ACAP2: variants seen among roughly 807,000 people sequenced by gnomAD.
The protein encoded by ACAP2 is ArfGAP with coiled-coil, ankyrin repeat and PH domains 2, also known as arf-GAP with coiled-coil, ANK repeat and PH domain-containing protein 2.
Under a neutral mutation model 115.8 loss-of-function variants are expected in ACAP2, and 39 were observed. The ratio of observed to expected loss-of-function variants is 0.34; its 90% confidence interval spans 0.26 to 0.44. The LOEUF (loss-of-function observed/expected upper bound fraction) is 0.44, where lower values mean the gene tolerates loss of function less well. Ranked by LOEUF, ACAP2 falls within the 20% of genes least tolerant of loss-of-function variation. The probability of loss-of-function intolerance (pLI) is 1.00; values close to 1 mark genes in which losing one functional copy is unlikely to be tolerated. For missense variants in ACAP2, 662 were observed against 927.6 expected, an observed-to-expected ratio of 0.71 and a Z score of 3.72; for synonymous variants, 289 against 315.8, an observed-to-expected ratio of 0.92 and a Z score of 0.90.
At chr3:195,424,794 G>A (rs1047567258) in intron 1 of ACAP2, among the ~76,000 whole-genome samples, 1 of 151,284 alleles carries the variant, frequency 6.6e-6, no homozygotes, top group Non-Finnish European at 1.5e-5. Context: ...ACACACACCT[G>A]CAGTCCCAGC....
At position 195,442,783 on chromosome 3, in the gene ACAP2, C is replaced by T. The variant is rs1479223012; in HGVS notation, c.53+12G>A. Reference sequence around the variant, plus strand: ...CAGCTCCGCGGTGACGCCGGGCGGCCGTGCCGGTTACCTGAAGCGGGGCGA... The same window carrying T: ...CAGCTCCGCGGTGACGCCGGGCGGCTGTGCCGGTTACCTGAAGCGGGGCGA... On this transcript the variant is annotated intron_variant, in intron 1 of 22. Coordinates refer to ENST00000326793, the MANE Select transcript of ACAP2 (RefSeq NM_012287.6). The T allele has an allele frequency of 1.3e-6, 2 of 1,528,340 alleles. No homozygotes were observed. The allele number at this position is 1,528,340 out of a possible 1,614,324, so 94.7% of individuals were successfully genotyped here.
chr3:195,386,679 G>C (rs537620557), intron 2 of ACAP2, among the ~76,000 whole-genome samples: 3 of 152,092 alleles, frequency 2.0e-5, no homozygotes, highest in Non-Finnish European at 4.4e-5. Flanking sequence ...TAGGACAAAT[G>C]CATGTGGGAC....
At chr3:195,418,807 T>C (rs1713943177) in intron 1 of ACAP2, among the ~76,000 whole-genome samples, 1 of 152,180 alleles carries the variant, frequency 6.6e-6, no homozygotes, top group Non-Finnish European at 1.5e-5. Context: ...AGCTTCAAGA[T>C]TGTTTATAAT....
At chr3:195,363,064 C>G (rs570582548) in intron 4 of ACAP2, among the ~76,000 whole-genome samples, 3 of 152,040 alleles carry the variant, frequency 2.0e-5, no homozygotes, top group Non-Finnish European at 4.4e-5. Context: ...TAAAGACCAC[C>G]AAAAAAACTA....
intron 4 of ACAP2, among the ~76,000 whole-genome samples, chr3:195,378,652 G>C (rs183976552): frequency 4.4e-4 from 67 of 152,248 alleles, no homozygotes; most frequent in Non-Finnish European, 7.8e-4. Context: ...CTTTAGGCCA[G>C]GAGTTTGAGA....
At chr3:195,283,600 A>G (rs1008918377) in intron 22 of ACAP2, among the ~76,000 whole-genome samples, 3 of 152,238 alleles carry the variant, frequency 2.0e-5, no homozygotes, top group African/African-American at 7.2e-5. Context: ...AAAAACAAAC[A>G]GCCGCTGCCT....
intron 4 of ACAP2, among the ~76,000 whole-genome samples, chr3:195,355,721 C>T (rs116827732): frequency 0.014 from 2,181 of 152,282 alleles, 48 homozygotes; most frequent in African/African-American, 0.046. Flanking sequence ...AAAGCTAAGA[C>T]GCACTTCAAA....
At chr3:195,370,821 G>A (rs1490853852) in intron 4 of ACAP2, among the ~76,000 whole-genome samples, 1 of 151,988 alleles carries the variant, frequency 6.6e-6, no homozygotes, top group African/African-American at 2.4e-5. Flanking sequence ...GTATGGTGGT[G>A]GGCACCTGTA....
chr3:195,383,362 C>CA (rs1181548032), intron 2 of ACAP2, among the ~76,000 whole-genome samples: 3 of 151,456 alleles, frequency 2.0e-5, no homozygotes, highest in African/African-American at 7.3e-5. Flanking sequence ...AATACACAGT[C>CA]AAAAAAACAG....
chr3:195,365,787 C>A (rs1732672423), intron 4 of ACAP2, among the ~76,000 whole-genome samples: 1 of 151,814 alleles, frequency 6.6e-6, no homozygotes, highest in South Asian at 2.1e-4. Context: ...AGGAATTGCT[C>A]GCAATATGTC....
chr3:195,418,917 G>A (rs1485265392), intron 1 of ACAP2, among the ~76,000 whole-genome samples: 1 of 152,126 alleles, frequency 6.6e-6, no homozygotes, highest in East Asian at 1.9e-4. Flanking sequence ...TATTATATAT[G>A]GGGCTATTCA....
chr3:195,314,610 CA>C (rs1728972054), intron 10 of ACAP2, among the ~76,000 whole-genome samples: 1 of 152,092 alleles, frequency 6.6e-6, no homozygotes, highest in African/African-American at 2.4e-5. Context: ...AGACTCTACG[CA>C]ATAATTCCAT....
intron 4 of ACAP2, among the ~76,000 whole-genome samples, chr3:195,357,139 G>C (rs1485315769): frequency 1.3e-5 from 2 of 151,880 alleles, no homozygotes; most frequent in Admixed American, 6.6e-5. Context: ...TTCATGAAAA[G>C]CTGAGCCCTT....
intron 11 of ACAP2, among the ~76,000 whole-genome samples, chr3:195,307,853 T>C (rs1332572218): frequency 2.6e-5 from 4 of 152,166 alleles, no homozygotes; most frequent in Admixed American, 2.6e-4. Context: ...AATTAGCTGA[T>C]TAAAGGGCTT....
chr3:195,441,462 A>C (rs1286065516), intron 1 of ACAP2, among the ~76,000 whole-genome samples: 4 of 152,254 alleles, frequency 2.6e-5, no homozygotes, highest in Admixed American at 2.6e-4. Flanking sequence ...CAATAAAATT[A>C]ATACCCAAAA....
At chr3:195,323,809 CAA>C (rs112375217) in intron 9 of ACAP2, among the ~76,000 whole-genome samples, 1 of 144,396 alleles carries the variant, frequency 6.9e-6, no homozygotes, top group African/African-American at 2.6e-5. Flanking sequence ...TTAATGGATA[CAA>C]AAAAAAAACA....
At chr3:195,366,655 G>C (rs1732743213) in intron 4 of ACAP2, among the ~76,000 whole-genome samples, 3 of 152,146 alleles carry the variant, frequency 2.0e-5, no homozygotes, top group Non-Finnish European at 4.4e-5. Context: ...AGAATGACAT[G>C]GGGAGCCTTA....
intron 10 of ACAP2, among the ~76,000 whole-genome samples, chr3:195,312,154 T>G (rs1218977865): frequency 1.3e-5 from 2 of 152,072 alleles, no homozygotes; most frequent in Non-Finnish European, 2.9e-5. Flanking sequence ...TGAGTAAAAG[T>G]CAAACTTCTA....
At chr3:195,286,386 G>A (rs1234963793) in intron 21 of ACAP2, among the ~76,000 whole-genome samples, 1 of 152,128 alleles carries the variant, frequency 6.6e-6, no homozygotes, top group African/African-American at 2.4e-5. Context: ...TTACCATATT[G>A]CTTATACATT....
Sources: allele counts gnomAD v4.1 joint callset (sites outside exome capture counted in the v4.1 genomes callset), GRCh38; gene constraint gnomAD v4.1.1; transcripts MANE v1.5; gene names NCBI Gene and HGNC (gene_info 2026-07-23, HGNC 2026-07-21).